Variants in C12orf42 observed in about 807,000 individuals in gnomAD.
C12orf42 encodes uncharacterized protein C12orf42.
A neutral mutation model predicts 21.6 loss-of-function variants in C12orf42; 25 were observed. That is an observed-to-expected ratio of 1.16 (90% CI 0.84 to 1.62). The LOEUF is 1.62. Ranked by LOEUF, C12orf42 falls within the 40% of genes most tolerant of loss-of-function variation. The pLI is 0.00. For synonymous variants in C12orf42, 174 were observed against 175.0 expected (o/e 0.99, Z 0.05); for missense variants, 483 against 459.3 (o/e 1.05, Z -0.47).
intron 4 of C12orf42, among the ~76,000 whole-genome samples, chr12:103,285,402 C>T (rs2036381127): frequency 1.3e-5 from 2 of 152,184 alleles, no homozygotes; most frequent in South Asian, 4.1e-4. Context: ...TGGATTAGGG[C>T]TTAGAGAGAT....
At chr12:103,212,122 T>C in the C12orf42 span, among the ~76,000 whole-genome samples, 2,198 of 152,274 alleles carry the variant, frequency 0.014, 66 homozygotes, top group African/African-American at 0.048. Context: ...ATTTTTTCTT[T>C]CCACAAAGAT....
At chr12:103,081,357 G>C in the C12orf42 span, 1 of 152,076 alleles carries the variant, frequency 6.6e-6, no homozygotes, top group East Asian at 1.9e-4. Context: ...ACTCTTATCT[G>C]AACAAATTAT....
chr12:103,539,808 T>C, the C12orf42 span, among the ~76,000 whole-genome samples: 2 of 152,114 alleles, frequency 1.3e-5, no homozygotes, highest in African/African-American at 4.8e-5. Context: ...CTTGAACTCC[T>C]GACCTCGTGA....
chr12:103,509,370 C>A, the C12orf42 span, among the ~76,000 whole-genome samples: 1 of 152,102 alleles, frequency 6.6e-6, no homozygotes, highest in Non-Finnish European at 1.5e-5. Flanking sequence ...TCAAAACCTG[C>A]CATTTTCAAA....
At chr12:103,508,792 C>T in the C12orf42 span, among the ~76,000 whole-genome samples, 1 of 152,190 alleles carries the variant, frequency 6.6e-6, no homozygotes, top group East Asian at 1.9e-4. Context: ...CTGGCTCAGC[C>T]ACTTGCCAAC....
intron 3 of C12orf42, among the ~76,000 whole-genome samples, chr12:103,394,224 T>G (rs1292240760): frequency 6.6e-6 from 1 of 152,218 alleles, no homozygotes; most frequent in Non-Finnish European, 1.5e-5. Flanking sequence ...GAGAATGAGT[T>G]CTGCGCCATG....
chr12:103,425,842 T>C (rs1259471289), intron 2 of C12orf42, among the ~76,000 whole-genome samples: 4 of 152,006 alleles, frequency 2.6e-5, no homozygotes, highest in African/African-American at 9.7e-5. Flanking sequence ...CTACAGTGGC[T>C]TTGCCGAGCT....
chr12:103,129,404 T>C, the C12orf42 span, among the ~76,000 whole-genome samples: 1 of 152,134 alleles, frequency 6.6e-6, no homozygotes, highest in African/African-American at 2.4e-5. Flanking sequence ...AGGAAAGATA[T>C]GAAAGAGGGG....
chr12:103,480,389 AC>A (rs1954380202), intron 1 of C12orf42, among the ~76,000 whole-genome samples: 1 of 148,536 alleles, frequency 6.7e-6, no homozygotes, highest in East Asian at 2.0e-4. Context: ...CAAAGCACAA[AC>A]TTTTATATTT....
the C12orf42 span, chr12:103,506,315 AC>A: frequency 1.2e-4 from 12 of 99,586 alleles, no homozygotes; most frequent in Non-Finnish European, 2.1e-4. Context: ...CCACCCCCCC[AC>A]ACACACAAAA....
chr12:103,144,479 GA>G, the C12orf42 span, among the ~76,000 whole-genome samples: 1 of 152,152 alleles, frequency 6.6e-6, no homozygotes, highest in East Asian at 1.9e-4. Flanking sequence ...GTCCCTTAAT[GA>G]AAAATGAGAT....
At chr12:103,223,062 T>G in the C12orf42 span, among the ~76,000 whole-genome samples, 1 of 152,098 alleles carries the variant, frequency 6.6e-6, no homozygotes, top group Non-Finnish European at 1.5e-5. Context: ...TTATACATAG[T>G]GTATAAAAAT....
intron 5 of C12orf42, among the ~76,000 whole-genome samples, chr12:103,270,946 TC>T (rs1441645671): frequency 6.6e-6 from 1 of 152,112 alleles, no homozygotes; most frequent in Non-Finnish European, 1.5e-5. Context: ...TTTGACAGTT[TC>T]CCAAAACAAG....
chr12:103,550,976 A>T, the C12orf42 span, among the ~76,000 whole-genome samples: 1 of 152,030 alleles, frequency 6.6e-6, no homozygotes, highest in Admixed American at 6.5e-5. Flanking sequence ...TTAGAAATCC[A>T]ATGTCTAGAA....
the C12orf42 span, among the ~76,000 whole-genome samples, chr12:103,080,472 T>C: frequency 2.0e-5 from 3 of 152,156 alleles, no homozygotes; most frequent in Admixed American, 1.3e-4. Flanking sequence ...TGGTTGAAAA[T>C]AGCATGCACT....
chr12:103,509,407 C>T, the C12orf42 span, among the ~76,000 whole-genome samples: 2 of 152,116 alleles, frequency 1.3e-5, no homozygotes, highest in African/African-American at 2.4e-5. Flanking sequence ...AGCCCCTGAG[C>T]CAAGCGTAAG....
chr12:103,081,915 A>G, the C12orf42 span, among the ~76,000 whole-genome samples: 4 of 152,304 alleles, frequency 2.6e-5, no homozygotes, highest in Admixed American at 1.3e-4. Context: ...TTGTGGTTCA[A>G]ATATGAATCT....
chr12:103,363,961 C>A (rs554843112), intron 4 of C12orf42, among the ~76,000 whole-genome samples: 1 of 152,164 alleles, frequency 6.6e-6, no homozygotes, highest in Admixed American at 6.5e-5. Context: ...AACAAAGAAA[C>A]AATGGATTTA....
At chr12:103,457,705 G>A (rs1952401438) in intron 2 of C12orf42, among the ~76,000 whole-genome samples, 1 of 152,106 alleles carries the variant, frequency 6.6e-6, no homozygotes, top group Non-Finnish European at 1.5e-5. Context: ...CAAAAACAGG[G>A]ACCTACAATT....
Sources: gnomAD v4.1 joint callset for allele counts (sites outside exome capture counted in the v4.1 genomes callset) on GRCh38, gnomAD v4.1.1 for gene constraint, MANE v1.5 for transcripts, NCBI Gene and HGNC (gene_info 2026-07-23, HGNC 2026-07-21) for gene names.